The following PRKCB variants were observed in gnomAD, a reference collection of about 807,000 sequenced individuals.
PRKCB encodes the protein protein kinase C beta.
PRKCB carries 13 observed loss-of-function variants against 81.5 expected under a neutral mutation model. The ratio of observed to expected loss-of-function variants is 0.16; its 90% CI spans 0.10 to 0.25. The LOEUF (loss-of-function observed/expected upper bound fraction) is 0.25, where lower values mean the gene tolerates loss of function less well. Among genes scored for constraint, PRKCB ranks in the 10% least tolerant of loss-of-function variants. The probability of loss-of-function intolerance (pLI) is 1.00; values close to 1 mark genes in which losing one functional copy is unlikely to be tolerated. For synonymous variants in PRKCB, 335 were observed against 321.4 expected (o/e 1.04, Z -0.45); for missense variants, 509 against 875.7 (o/e 0.58, Z 5.29).
chr16:23,887,538 T>TA (rs777388613), intron 2 of PRKCB, among the ~76,000 whole-genome samples: 6 of 152,216 alleles, frequency 3.9e-5, no homozygotes, highest in Non-Finnish European at 5.9e-5. Flanking sequence ...TCATTTTTTT[T>TA]ATGGCTGTGT....
At chr16:24,072,120 G>A (rs114007318) in intron 5 of PRKCB, among the ~76,000 whole-genome samples, 2 of 151,312 alleles carry the variant, frequency 1.3e-5, no homozygotes, top group East Asian at 3.9e-4. Context: ...ACAGTTCAGC[G>A]GCATTTAGTA....
At chr16:24,050,040 C>T (rs906826912) in intron 5 of PRKCB, among the ~76,000 whole-genome samples, 6 of 152,166 alleles carry the variant, frequency 3.9e-5, no homozygotes, top group African/African-American at 1.2e-4. Flanking sequence ...AAGCCAAGCA[C>T]GTTGAGCTGC....
At chr16:24,190,648 A>G (rs937717063) in intron 15 of PRKCB, among the ~76,000 whole-genome samples, 8 of 151,716 alleles carry the variant, frequency 5.3e-5, no homozygotes, top group African/African-American at 1.9e-4. Context: ...CCTCCCAAGT[A>G]GCTGGGACTA....
At chr16:23,918,113 C>T (rs1045483199) in intron 2 of PRKCB, among the ~76,000 whole-genome samples, 1 of 151,984 alleles carries the variant, frequency 6.6e-6, no homozygotes, top group Admixed American at 6.6e-5. Context: ...TTGTGAATCT[C>T]TAAACAAGAG....
chr16:23,866,343 A>G (rs1180144401), intron 2 of PRKCB, among the ~76,000 whole-genome samples: 1 of 152,236 alleles, frequency 6.6e-6, no homozygotes, highest in Non-Finnish European at 1.5e-5. Flanking sequence ...TAGATGATAT[A>G]GTGACATTGT....
intron 2 of PRKCB, among the ~76,000 whole-genome samples, chr16:23,868,447 C>G (rs1012450513): frequency 1.3e-5 from 2 of 152,160 alleles, no homozygotes; most frequent in South Asian, 4.1e-4. Context: ...TTATTTGGGG[C>G]AGGCAGATGA....
intron 2 of PRKCB, among the ~76,000 whole-genome samples, chr16:23,970,404 AGAGT>A (rs1196990001): frequency 8.5e-5 from 13 of 152,230 alleles, no homozygotes; most frequent in African/African-American, 3.1e-4. Flanking sequence ...ACCTGAGGAC[AGAGT>A]GAGGTGGGTT....
At chr16:24,025,168 C>A (rs1447147878) in intron 3 of PRKCB, among the ~76,000 whole-genome samples, 1 of 152,212 alleles carries the variant, frequency 6.6e-6, no homozygotes, top group Non-Finnish European at 1.5e-5. Context: ...TGCTGCACAG[C>A]CCCTTCTAAG....
chr16:24,122,807 C>A (rs552149408), intron 8 of PRKCB, among the ~76,000 whole-genome samples: 4 of 152,274 alleles, frequency 2.6e-5, no homozygotes, highest in Non-Finnish European at 5.9e-5. Flanking sequence ...AAACGTGAAT[C>A]CAGTAACGAA....
intron 7 of PRKCB, among the ~76,000 whole-genome samples, chr16:24,105,340 G>A (rs1362597395): frequency 6.6e-6 from 1 of 152,032 alleles, no homozygotes; most frequent in Non-Finnish European, 1.5e-5. Flanking sequence ...TTACAGGCGT[G>A]AGCCACCAAG....
chr16:23,873,087 G>C (rs1448009258), intron 2 of PRKCB, among the ~76,000 whole-genome samples: 1 of 150,824 alleles, frequency 6.6e-6, no homozygotes, highest in Non-Finnish European at 1.5e-5. Context: ...CAGCATTTTG[G>C]GAGGTCGAGG....
At chr16:24,169,222 A>G (rs1303180033) in intron 10 of PRKCB, among the ~76,000 whole-genome samples, 1 of 152,170 alleles carries the variant, frequency 6.6e-6, no homozygotes, top group Non-Finnish European at 1.5e-5. Context: ...GAGACCCAGT[A>G]ACTCCTGCTG....
intron 2 of PRKCB, among the ~76,000 whole-genome samples, chr16:23,901,545 A>G (rs73538820): frequency 0.014 from 2,196 of 152,240 alleles, 52 homozygotes; most frequent in African/African-American, 0.05. Context: ...CGTGGGAGAA[A>G]TGTCTTCTTT....
At chr16:24,166,648 C>T (rs1413805332) in intron 10 of PRKCB, among the ~76,000 whole-genome samples, 2 of 152,210 alleles carry the variant, frequency 1.3e-5, no homozygotes, top group Non-Finnish European at 2.9e-5. Context: ...ATTTATCTGG[C>T]CCCTGTCCCT....
intron 2 of PRKCB, among the ~76,000 whole-genome samples, chr16:23,898,653 T>C (rs181213417): frequency 1.1e-4 from 16 of 152,210 alleles, no homozygotes; most frequent in Admixed American, 2.6e-4. Flanking sequence ...AGGTGAAGAT[T>C]GGCAGAAAAG....
chr16:24,034,333 T>A (rs1245640435), intron 4 of PRKCB, among the ~76,000 whole-genome samples: 3 of 152,162 alleles, frequency 2.0e-5, no homozygotes, highest in Admixed American at 6.5e-5. Flanking sequence ...TGCCCCCAGA[T>A]CCCTTGAAAT....
intron 5 of PRKCB, 135 bp downstream of exon 5, chr16:24,035,682 G>T (rs28710126): frequency 0.034 from 35,011 of 1,023,386 alleles, 1,054 homozygotes; most frequent in African/African-American, 0.067. Context: ...GTGTGGCACT[G>T]CTTCTGCCCC....
chr16:24,059,935 A>C (rs893124156), intron 5 of PRKCB, among the ~76,000 whole-genome samples: 3 of 152,140 alleles, frequency 2.0e-5, no homozygotes, highest in African/African-American at 7.2e-5. Context: ...GAAAGCCTGG[A>C]TGCTGGATGT....
chr16:24,013,832 C>G (rs1372532140), intron 3 of PRKCB, among the ~76,000 whole-genome samples: 2 of 151,666 alleles, frequency 1.3e-5, no homozygotes, highest in Non-Finnish European at 2.9e-5. Context: ...CAGAATTCAC[C>G]TTCCTCAGTT....
Sources: gnomAD v4.1 joint callset for allele counts (sites outside exome capture counted in the v4.1 genomes callset) on GRCh38, gnomAD v4.1.1 for gene constraint, MANE v1.5 for transcripts, NCBI Gene and HGNC (gene_info 2026-07-23, HGNC 2026-07-21) for gene names.